Variants in PGM3 observed in about 807,000 individuals in gnomAD.
PGM3 encodes the protein phosphoglucomutase 3.
PGM3 carries 40 observed loss-of-function variants against 66.2 expected under a neutral mutation model. The observed-to-expected ratio is 0.60, with a 90% confidence interval of 0.47 to 0.79. PGM3 has a LOEUF of 0.79. Ranked by LOEUF, PGM3 falls within the 30% of genes least tolerant of loss-of-function variation. The pLI is 0.00. For synonymous variants in PGM3, 191 were observed against 224.2 expected (o/e 0.85, Z 1.32); for missense variants, 537 against 643.4 (o/e 0.83, Z 1.79).
At chr6:83,161,190 C>T (rs1309101966), downstream of PGM3, 3 of 152,082 alleles carry the variant, frequency 2.0e-5, no homozygotes, top group African/African-American at 7.2e-5. Flanking sequence ...GACTTTTTAT[C>T]TTCCATGACA....
At chr6:83,185,221 CAATGGGCCATGG>C (rs1371557075) in intron 4 of PGM3, among the ~76,000 whole-genome samples, 2 of 152,152 alleles carry the variant, frequency 1.3e-5, no homozygotes, top group Admixed American at 6.5e-5. Flanking sequence ...CACAGCCTGC[CAATGGGCCATGG>C]AATTTACTTA....
At chr6:83,164,613 C>G, downstream of PGM3, 1 of 1,533,124 alleles carries the variant, frequency 6.5e-7, no homozygotes, top group Non-Finnish European at 8.9e-7. Flanking sequence ...GCCAAGCATA[C>G]TTTTCACTGG....
intron 3 of PGM3, among the ~76,000 whole-genome samples, chr6:83,188,232 C>A (rs1477267506): frequency 6.6e-6 from 1 of 151,526 alleles, no homozygotes; most frequent in Non-Finnish European, 1.5e-5. Context: ...ATATTTGAAA[C>A]AATAATAACA....
At chr6:83,175,868 A>G (rs1787725772) in intron 9 of PGM3, 94 bp downstream of exon 9, 2 of 663,006 alleles carry the variant, frequency 3.0e-6, no homozygotes, top group East Asian at 5.2e-5. Flanking sequence ...TATTTCAACA[A>G]AGTACAATAT....
rs1454936915 is a variant in PGM3, at chr6:83,166,566, A to T, written c.*2668T>A. On this transcript the variant is annotated 3_prime_UTR_variant, in exon 13 of 13. Coordinates refer to ENST00000513973, the MANE Select transcript of PGM3 (RefSeq NM_015599.3). ...CAGCAATAAGTCATTAGCAAAAAAA[A>T]AGTGAGAAATATGCTTAAAATGATG... is the stretch of plus-strand genomic sequence containing the variant. The T allele has an allele frequency of 1.8e-5, 11 of 620,652 alleles. No homozygotes were observed. In the Admixed American group the frequency reaches 3.1e-4, roughly 18 times the overall value. The allele number at this position is 620,652 out of a possible 1,614,324, so 38.4% of individuals were successfully genotyped here. A position where few individuals can be genotyped will look rare whatever the true frequency, so the allele number is the denominator to read the frequency against.
In PGM3 at chr6:83,170,338, ATCT is replaced by A; in HGVS notation, c.1503_1505del (p.Glu501del). 6.2e-7 allele frequency: 1 copy of A among 1,614,194 alleles called. No homozygotes were observed. Among genetic ancestry groups the A allele is most frequent in the African/African-American group, 1.3e-5 (1 of 75,048 alleles). On this transcript the variant is annotated inframe_deletion, in exon 12 of 13. Coordinates refer to ENST00000513973, the MANE Select transcript of PGM3 (RefSeq NM_015599.3). ...CTGCTTCTGCATATACTCGGACGAC[ATCT>A]TCTGTACCAGAGGGCCGGACAAAAG...
intron 5 of PGM3, among the ~76,000 whole-genome samples, chr6:83,182,439 A>G (rs994783892): frequency 6.6e-6 from 1 of 152,208 alleles, no homozygotes; most frequent in Non-Finnish European, 1.5e-5. Context: ...ATATTTGTTG[A>G]TCAAACGAAT....
chr6:83,182,692 A>G (rs896902102), intron 5 of PGM3, among the ~76,000 whole-genome samples, 153 bp downstream of exon 5: 1 of 152,252 alleles, frequency 6.6e-6, no homozygotes, highest in African/African-American at 2.4e-5. Context: ...CATAGACCAG[A>G]ACCTTGTGTA....
Position 83,173,743 on chromosome 6 carries a change from GTGTT to G in PGM3, c.1242+627_1242+630del, listed in dbSNP as rs891344275. Among the ~76,000 whole-genome samples the G allele has an allele frequency of 1.4e-4, 21 of 152,032 alleles. 1 individual carries two copies. Among genetic ancestry groups the G allele is most frequent in the African/African-American group, 4.8e-4 (20 of 41,364 alleles). ...TTGTCAATGAGACAACCAGTTATTT[GTGTT>G]TGTTTTTGAGACAGAGTCTCGCTCT... On this transcript the variant is annotated intron_variant, in intron 10 of 12. Coordinates refer to ENST00000513973, the MANE Select transcript of PGM3 (RefSeq NM_015599.3).
chr6:83,187,033 C>A lies in PGM3; in HGVS notation c.432G>T (p.Val144=). Residue 144 remains valine, a synonymous_variant, in exon 4 of 13, where the codon GTG becomes GTT. Coordinates refer to ENST00000513973, the MANE Select transcript of PGM3 (RefSeq NM_015599.3). ...CATGGAATTGACCTCCTAGAACAGT[C>A]ACACCATCTATTACAGATTGTGAAA... The part of the protein sequence containing the change: ...EKLSQSVIDG[V]TVLGGQFHDY... The A allele has an allele frequency of 6.2e-7, 1 of 1,600,452 alleles. No homozygotes were observed. The highest frequency in any genetic ancestry group is 8.6e-7 in the Non-Finnish European group (1 of 1,168,284).
chr6:83,166,112 G>C lies in PGM3; in HGVS notation c.*3122C>G. ...AGAAATGATTCATTATTGTTGCATA[G>C]AATAGAGAAAATGACACTTCAAAAC... is the stretch of plus-strand genomic sequence containing the variant. On this transcript the variant is annotated 3_prime_UTR_variant, in exon 13 of 13. Coordinates refer to ENST00000513973, the MANE Select transcript of PGM3 (RefSeq NM_015599.3). 2.4e-6 allele frequency: 1 copy of C among 421,922 alleles called. No individual in the cohort carries two copies. The highest frequency in any genetic ancestry group is 2.0e-5 in the African/African-American group (1 of 50,064). The allele number at this position is 421,922 out of a possible 1,614,324, so 26.1% of individuals were successfully genotyped here.
downstream of PGM3, chr6:83,164,697 G>A (rs756242832): frequency 6.3e-7 from 1 of 1,590,674 alleles, no homozygotes; most frequent in South Asian, 1.1e-5. Context: ...ATTTTGGAGG[G>A]ATTGGAGATG....
At chr6:83,164,519 C>T (rs1402052135), downstream of PGM3, 3 of 787,250 alleles carry the variant, frequency 3.8e-6, no homozygotes, top group Non-Finnish European at 6.4e-6. Context: ...AGTCTTTTGC[C>T]CAAAATTTGT....
rs1788994472 is a variant in PGM3 at position 83,190,955 on chromosome 6, T to G, written c.58A>C (p.Ile20Leu). 1 of 1,614,056 alleles carries G rather than the reference T, an allele frequency of 6.2e-7. No homozygotes were observed. Among genetic ancestry groups the G allele is most frequent in the African/African-American group, 1.3e-5 (1 of 74,936 alleles). The part of the protein sequence containing the change: ...SALHAKPNGL[I>L]LQYGTAGFRT... ...AATCCAGCAGTCCCGTATTGAAGGA[T>G]CAGTCCATTGGGCTTGGCGTGTAAT... Residue 20 changes from isoleucine to leucine, a missense_variant, in exon 2 of 13, where the codon ATC becomes CTC. Physicochemically the swap from Ile to Leu is conservative, Grantham distance 5. Transcript: ENST00000513973.
the PGM3 span, among the ~76,000 whole-genome samples, chr6:83,155,018 C>A: frequency 6.6e-6 from 1 of 152,070 alleles, no homozygotes; most frequent in African/African-American, 2.4e-5. Flanking sequence ...ATTGCGCTAA[C>A]CTTAATCAAA....
chr6:83,168,596 GT>G lies in PGM3; in HGVS notation c.*637del. 2.0e-6 allele frequency: 2 copies of G among 996,734 alleles called. No homozygotes were observed. Among genetic ancestry groups the G allele is most frequent in the Non-Finnish European group, 2.4e-6 (2 of 837,208 alleles). The allele number at this position is 996,734 out of a possible 1,614,324, so 61.7% of individuals were successfully genotyped here. A position where few individuals can be genotyped will look rare whatever the true frequency, so the allele number is the denominator to read the frequency against. On this transcript the variant is annotated 3_prime_UTR_variant, in exon 13 of 13. Transcript: ENST00000513973. ...GAGGCTGGGAAACGTATTATAATTA[GT>G]TTTTCTCCCACATACCTTCACCAAG...
downstream of PGM3, chr6:83,157,388 A>T: frequency 6.7e-7 from 1 of 1,500,572 alleles, no homozygotes; most frequent in South Asian, 1.2e-5. Context: ...CCATGTGCTT[A>T]CTAGATATTA....
chr6:83,156,006 G>A, the PGM3 span: 2 of 1,614,042 alleles, frequency 1.2e-6, no homozygotes, highest in Non-Finnish European at 1.7e-6. Context: ...ACCGTGATGT[G>A]GAGCTAGAAC....
rs773608450 is a variant in PGM3, at chr6:83,190,919, C to G, written c.94G>C (p.Ala32Pro). Residue 32 changes from alanine to proline, a missense_variant, in exon 2 of 13, where the codon GCA (alanine) becomes CCA (proline). Ala to Pro is a conservative substitution (Grantham distance 27). Transcript: ENST00000513973. ...AACATGACATGATCAAGATGTTCTG[C>G]CTTCGTTCGAAATCCAGCAGTCCCG... ...QYGTAGFRTKAEHLDHVMFRM... is the reference protein window; with the variant it reads ...QYGTAGFRTKPEHLDHVMFRM... 4 of 1,614,124 alleles carry G rather than the reference C, an allele frequency of 2.5e-6. 1 individual carries two copies. The highest frequency in any genetic ancestry group is 1.6e-4 in the Middle Eastern group (1 of 6,062).
Sources: gnomAD v4.1 joint callset for allele counts (sites outside exome capture counted in the v4.1 genomes callset) on GRCh38, gnomAD v4.1.1 for gene constraint, MANE v1.5 for transcripts, NCBI Gene and HGNC (gene_info 2026-07-23, HGNC 2026-07-21) for gene names.